PRELID2: variants seen among roughly 807,000 people sequenced by gnomAD.
PRELID2 encodes the protein PRELI domain containing 2, also known as PRELI domain-containing protein 2.
Under a neutral mutation model 28.4 loss-of-function variants are expected in PRELID2, and 25 were observed. The observed-to-expected ratio is 0.88, with a 90% CI of 0.64 to 1.23. PRELID2 has a LOEUF of 1.23. Among genes scored for constraint, PRELID2 ranks in the 50% most tolerant of loss-of-function variants. The probability of loss-of-function intolerance (pLI) is 0.00; values close to 1 mark genes in which losing one functional copy is unlikely to be tolerated. For missense variants in PRELID2, 201 were observed against 214.4 expected (o/e 0.94, Z 0.39); for synonymous variants, 76 against 71.6 (o/e 1.06, Z -0.31).
At chr5:145,628,665 G>C (rs1865006) in intron 1 of PRELID2, among the ~76,000 whole-genome samples, 33,902 of 152,054 alleles carry the variant, frequency 0.22, 7,140 homozygotes, top group African/African-American at 0.55. Flanking sequence ...ATAACTTGAA[G>C]TGGAAGAAAT....
At chr5:145,808,503 T>A (rs899868851) in intron 4 of PRELID2, among the ~76,000 whole-genome samples, 17 of 152,104 alleles carry the variant, frequency 1.1e-4, no homozygotes, top group African/African-American at 4.1e-4. Context: ...AATTCAAAAA[T>A]AAAACATTTA....
At chr5:145,473,517 TAGAG>T (rs1052720833) in intron 1 of PRELID2, among the ~76,000 whole-genome samples, 29 of 152,280 alleles carry the variant, frequency 1.9e-4, no homozygotes, top group Admixed American at 5.9e-4. Flanking sequence ...GAGTGAATCT[TAGAG>T]AGAATTTAAA....
chr5:145,521,003 T>C (rs1184191745), intron 1 of PRELID2, among the ~76,000 whole-genome samples: 1 of 152,096 alleles, frequency 6.6e-6, no homozygotes, highest in Non-Finnish European at 1.5e-5. Context: ...CCCCGCTATA[T>C]CCCAAGGGAC....
chr5:145,822,346 C>G (rs1019557148), intron 2 of PRELID2, among the ~76,000 whole-genome samples: 8 of 152,072 alleles, frequency 5.3e-5, no homozygotes, highest in Non-Finnish European at 1.2e-4. Context: ...GAATCAGGTG[C>G]TAAATAATTT....
At chr5:145,684,899 G>GA (rs1020984201) in intron 1 of PRELID2, among the ~76,000 whole-genome samples, 11 of 152,118 alleles carry the variant, frequency 7.2e-5, no homozygotes, top group African/African-American at 2.4e-4. Flanking sequence ...ACAGCTTTAG[G>GA]AAAAACTGAA....
At chr5:145,367,683 C>A in the PRELID2 span, among the ~76,000 whole-genome samples, 1 of 151,858 alleles carries the variant, frequency 6.6e-6, no homozygotes, top group Non-Finnish European at 1.5e-5. Flanking sequence ...TTTTCCATAA[C>A]GTCAAGTAAT....
At chr5:145,275,171 C>A in the PRELID2 span, among the ~76,000 whole-genome samples, 1 of 152,188 alleles carries the variant, frequency 6.6e-6, no homozygotes, top group South Asian at 2.1e-4. Context: ...GGACACAATT[C>A]AACCCAAACA....
chr5:145,445,029 A>G, the PRELID2 span, among the ~76,000 whole-genome samples: 1 of 152,128 alleles, frequency 6.6e-6, no homozygotes, highest in Non-Finnish European at 1.5e-5. Context: ...GATTTTTAAA[A>G]TCTTAAAACT....
At chr5:145,299,688 A>C in the PRELID2 span, among the ~76,000 whole-genome samples, 1 of 148,940 alleles carries the variant, frequency 6.7e-6, no homozygotes, top group Non-Finnish European at 1.5e-5. Flanking sequence ...ATATAAAATA[A>C]GATTTTATGG....
At chr5:145,737,604 T>A (rs1466582605) in intron 1 of PRELID2, among the ~76,000 whole-genome samples, 1 of 152,076 alleles carries the variant, frequency 6.6e-6, no homozygotes, top group Non-Finnish European at 1.5e-5. Flanking sequence ...CACAGATAAT[T>A]TTTTAAAAAG....
At chr5:145,660,288 T>G (rs899862372) in intron 1 of PRELID2, among the ~76,000 whole-genome samples, 1 of 152,118 alleles carries the variant, frequency 6.6e-6, no homozygotes, top group Non-Finnish European at 1.5e-5. Context: ...CTTTTCTAAA[T>G]TATGAAGGTG....
At chr5:145,326,649 TA>T in the PRELID2 span, among the ~76,000 whole-genome samples, 2 of 152,154 alleles carry the variant, frequency 1.3e-5, no homozygotes, top group African/African-American at 4.8e-5. Flanking sequence ...TGATTCTTGA[TA>T]GTGGTATCAA....
At chr5:145,395,169 A>G in the PRELID2 span, among the ~76,000 whole-genome samples, 2 of 152,048 alleles carry the variant, frequency 1.3e-5, no homozygotes, top group African/African-American at 4.8e-5. Flanking sequence ...GGTGTCATCT[A>G]TAATTTATAG....
intron 1 of PRELID2, among the ~76,000 whole-genome samples, chr5:145,577,776 A>G (rs191606285): frequency 7.2e-5 from 11 of 152,274 alleles, no homozygotes; most frequent in Admixed American, 5.2e-4. Flanking sequence ...AACAGTGGGT[A>G]ACTATATGTG....
the PRELID2 span, among the ~76,000 whole-genome samples, chr5:145,456,251 T>C: frequency 1.3e-5 from 2 of 152,232 alleles, no homozygotes; most frequent in South Asian, 2.1e-4. Flanking sequence ...GGGCATTGCA[T>C]TGATTTACAT....
At chr5:145,334,082 C>T in the PRELID2 span, among the ~76,000 whole-genome samples, 15 of 152,120 alleles carry the variant, frequency 9.9e-5, no homozygotes. Flanking sequence ...CCTGCTTTGG[C>T]TCAACCTCCA....
the PRELID2 span, among the ~76,000 whole-genome samples, chr5:145,424,400 T>C: frequency 1.3e-5 from 2 of 152,346 alleles, no homozygotes; most frequent in African/African-American, 2.4e-5. Flanking sequence ...TCCGTGAGCG[T>C]TGGACCCTCC....
the PRELID2 span, among the ~76,000 whole-genome samples, chr5:145,422,734 C>T: frequency 2.0e-5 from 3 of 151,768 alleles, no homozygotes; most frequent in East Asian, 1.9e-4. Flanking sequence ...AGTCCATTTA[C>T]ATTTAAAGTT....
intron 1 of PRELID2, among the ~76,000 whole-genome samples, chr5:145,747,760 T>C (rs187809309): frequency 6.6e-6 from 1 of 152,252 alleles, no homozygotes; most frequent in Non-Finnish European, 1.5e-5. Flanking sequence ...TAATCCTCAA[T>C]AAAATACTGG....
Sources: gnomAD v4.1 joint callset for allele counts (sites outside exome capture counted in the v4.1 genomes callset) on GRCh38, gnomAD v4.1.1 for gene constraint, MANE v1.5 for transcripts, NCBI Gene and HGNC (gene_info 2026-07-23, HGNC 2026-07-21) for gene names.